Variants in MACROD2 observed in about 807,000 individuals in gnomAD.
MACROD2 encodes ADP-ribose glycohydrolase MACROD2.
Under a neutral mutation model 70.4 loss-of-function variants are expected in MACROD2, and 36 were observed. The observed-to-expected ratio is 0.51, with a 90% CI of 0.39 to 0.68. MACROD2 has a LOEUF of 0.68. Ranked by LOEUF, MACROD2 falls within the 30% of genes least tolerant of loss-of-function variation. MACROD2 has a pLI of 0.00. For synonymous variants in MACROD2, 172 were observed against 178.8 expected (o/e 0.96, Z 0.30); for missense variants, 496 against 538.4 (o/e 0.92, Z 0.78).
At chr20:15,107,393 G>C (rs560084881) in intron 5 of MACROD2, among the ~76,000 whole-genome samples, 4 of 151,914 alleles carry the variant, frequency 2.6e-5, no homozygotes, top group African/African-American at 9.6e-5. Context: ...TTGTTGTCAA[G>C]CTCTTTTAAT....
At chr20:14,494,597 C>A (rs2084833312) in intron 4 of MACROD2, among the ~76,000 whole-genome samples, 1 of 152,076 alleles carries the variant, frequency 6.6e-6, no homozygotes. Context: ...TAAATATCTC[C>A]AAGCCTCAGT....
chr20:15,466,579 C>G (rs1257512288), intron 7 of MACROD2, among the ~76,000 whole-genome samples: 2 of 152,222 alleles, frequency 1.3e-5, no homozygotes, highest in Non-Finnish European at 2.9e-5. Context: ...GTGGTCTCAT[C>G]ATTCTTTGCT....
chr20:14,071,194 T>C (rs1569145143), intron 2 of MACROD2, among the ~76,000 whole-genome samples: 1 of 151,262 alleles, frequency 6.6e-6, no homozygotes, highest in Admixed American at 6.6e-5. Context: ...TCAAATGGAA[T>C]TATAATCTTA....
At chr20:15,516,089 A>T (rs1365065886) in intron 8 of MACROD2, among the ~76,000 whole-genome samples, 1 of 152,178 alleles carries the variant, frequency 6.6e-6, no homozygotes, top group Non-Finnish European at 1.5e-5. Context: ...GTGTGATTTT[A>T]AACACCAGAC....
At chr20:14,956,353 G>T (rs1450641347) in intron 5 of MACROD2, among the ~76,000 whole-genome samples, 1 of 152,094 alleles carries the variant, frequency 6.6e-6, no homozygotes, top group Non-Finnish European at 1.5e-5. Context: ...ATATCATTTG[G>T]ATATGGGATA....
chr20:14,467,095 T>A (rs1188344942), intron 3 of MACROD2, among the ~76,000 whole-genome samples: 3 of 152,172 alleles, frequency 2.0e-5, no homozygotes, highest in Non-Finnish European at 4.4e-5. Flanking sequence ...GCAGAGGTTA[T>A]TGCTATCTTT....
At chr20:15,713,925 G>A (rs903694080) in intron 8 of MACROD2, among the ~76,000 whole-genome samples, 34 of 151,632 alleles carry the variant, frequency 2.2e-4, no homozygotes, top group East Asian at 5.9e-4. Flanking sequence ...AGATCAAAGC[G>A]GAAGACAAAG....
At chr20:14,898,882 T>C (rs1271344764) in intron 5 of MACROD2, among the ~76,000 whole-genome samples, 3 of 152,188 alleles carry the variant, frequency 2.0e-5, no homozygotes, top group Non-Finnish European at 4.4e-5. Flanking sequence ...AGTATCATTG[T>C]TGGACAACCA....
intron 4 of MACROD2, among the ~76,000 whole-genome samples, chr20:14,664,790 A>T (rs11907917): frequency 0.012 from 1,875 of 151,976 alleles, 33 homozygotes; most frequent in African/African-American, 0.043. Context: ...ATCCTTAAAG[A>T]AAAAAACTTT....
At chr20:15,461,006 A>ATATATATATATATTTTT in intron 7 of MACROD2, among the ~76,000 whole-genome samples, 73 of 66,990 alleles carry the variant, frequency 1.1e-3, no homozygotes, top group Non-Finnish European at 1.7e-3. Context: ...ATATATATAT[A>ATATATATATATATTTTT]TTTTTTTTTA....
intron 8 of MACROD2, among the ~76,000 whole-genome samples, chr20:15,665,612 T>A (rs139936619): frequency 1.5e-3 from 228 of 152,292 alleles, no homozygotes; most frequent in African/African-American, 5.1e-3. Flanking sequence ...AGAATTTGTC[T>A]GTGCTTCTTC....
At chr20:14,072,043 CATAA>C (rs924413220) in intron 2 of MACROD2, among the ~76,000 whole-genome samples, 1 of 152,146 alleles carries the variant, frequency 6.6e-6, no homozygotes. Context: ...AAGAAGAAAA[CATAA>C]ATAGAAGATA....
At chr20:15,866,121 G>A (rs1414829553) in intron 9 of MACROD2, among the ~76,000 whole-genome samples, 25 of 152,180 alleles carry the variant, frequency 1.6e-4, no homozygotes, top group Admixed American at 1.6e-3. Context: ...GCCTAAGAAT[G>A]GAGGCTGGCC....
intron 3 of MACROD2, among the ~76,000 whole-genome samples, chr20:14,279,384 C>T (rs1047118436): frequency 6.6e-6 from 1 of 152,120 alleles, no homozygotes; most frequent in African/African-American, 2.4e-5. Context: ...GGGTAATAGT[C>T]ATTCTTCTAC....
At chr20:15,496,416 T>C (rs535261222) in intron 7 of MACROD2, among the ~76,000 whole-genome samples, 16 of 152,110 alleles carry the variant, frequency 1.1e-4, no homozygotes, top group Non-Finnish European at 2.4e-4. Context: ...GAGGTTAAGA[T>C]GAAAACCATA....
intron 4 of MACROD2, among the ~76,000 whole-genome samples, chr20:14,601,358 C>G (rs1982483829): frequency 6.6e-6 from 1 of 152,102 alleles, no homozygotes; most frequent in African/African-American, 2.4e-5. Flanking sequence ...CTATGAAAAT[C>G]TAATGCCACC....
chr20:14,306,422 A>C (rs1214063424), intron 3 of MACROD2, among the ~76,000 whole-genome samples: 1 of 152,090 alleles, frequency 6.6e-6, no homozygotes, highest in Non-Finnish European at 1.5e-5. Flanking sequence ...GATCAATTTT[A>C]GGGGTCTGTT....
intron 8 of MACROD2, among the ~76,000 whole-genome samples, chr20:15,544,625 C>T (rs1268498531): frequency 6.6e-6 from 1 of 152,222 alleles, no homozygotes; most frequent in Non-Finnish European, 1.5e-5. Flanking sequence ...GTTTGATAAG[C>T]TCTAGGTGTC....
At chr20:14,556,074 GAAC>G (rs1451301284) in intron 4 of MACROD2, among the ~76,000 whole-genome samples, 2 of 151,988 alleles carry the variant, frequency 1.3e-5, no homozygotes, top group African/African-American at 4.8e-5. Flanking sequence ...GCCTGCATAT[GAAC>G]AACAAAAGGA....
Sources: allele counts gnomAD v4.1 joint callset (sites outside exome capture counted in the v4.1 genomes callset), GRCh38; gene constraint gnomAD v4.1.1; transcripts MANE v1.5; gene names NCBI Gene and HGNC (gene_info 2026-07-23, HGNC 2026-07-21).